Variants in CYP4F22 observed in about 807,000 individuals in gnomAD.
The protein encoded by CYP4F22 is ultra-long-chain fatty acid omega-hydroxylase.
A neutral mutation model predicts 60.4 loss-of-function variants in CYP4F22; 37 were observed. The ratio of observed to expected loss-of-function variants is 0.61; its 90% CI spans 0.47 to 0.81. CYP4F22 has a LOEUF of 0.81. Among genes scored for constraint, CYP4F22 ranks in the 30% least tolerant of loss-of-function variants. The pLI, the probability that CYP4F22 is intolerant of heterozygous loss-of-function variation, is 0.00. For synonymous variants in CYP4F22, 258 were observed against 280.5 expected (o/e 0.92, Z 0.80); for missense variants, 655 against 715.0 (o/e 0.92, Z 0.96).
At chr19:15,536,264 A>G (rs1971393288) in intron 4 of CYP4F22, among the ~76,000 whole-genome samples, 2 of 152,284 alleles carry the variant, frequency 1.3e-5, no homozygotes, top group South Asian at 4.1e-4. Context: ...GCTTGAATCC[A>G]GGAATTGGAG....
At chr19:15,543,874 A>AG (rs1971491278) in intron 8 of CYP4F22, 97 bp from the exon 9 acceptor site, 8 of 1,335,686 alleles carry the variant, frequency 6.0e-6, no homozygotes, top group Admixed American at 2.3e-5. Flanking sequence ...AAAAAAAAAA[A>AG]AAAGATGGGG....
At chr19:15,537,297 T>TCTCAAA (rs1568360165) in intron 4 of CYP4F22, 64 bp from the exon 5 acceptor site, 1 of 983,268 alleles carries the variant, frequency 1.0e-6, no homozygotes. Context: ...CAAGACTCCG[T>TCTCAAA]AAAAAAAAAC....
chr19:15,520,025 G>A (rs955447140), intron 1 of CYP4F22, among the ~76,000 whole-genome samples: 3 of 152,094 alleles, frequency 2.0e-5, no homozygotes, highest in Admixed American at 6.6e-5. Flanking sequence ...GTGTGTGCGC[G>A]TGCACAAGTA....
intron 3 of CYP4F22, among the ~76,000 whole-genome samples, chr19:15,528,976 C>T (rs1568357424): frequency 6.6e-6 from 1 of 152,028 alleles, no homozygotes; most frequent in Non-Finnish European, 1.5e-5. Context: ...CAGGGTCTTG[C>T]TCTGTCACCC....
chr19:15,518,688 GAA>G (rs112651893), intron 1 of CYP4F22, among the ~76,000 whole-genome samples: 9 of 83,592 alleles, frequency 1.1e-4, no homozygotes, highest in South Asian at 4.0e-4. Flanking sequence ...ACAAAACACA[GAA>G]AAAAAAAAAA....
At chr19:15,542,778 C>G (rs1971478733) in intron 8 of CYP4F22, among the ~76,000 whole-genome samples, 1 of 152,036 alleles carries the variant, frequency 6.6e-6, no homozygotes, top group Admixed American at 6.6e-5. Context: ...TTGTTCAGCT[C>G]CCACTTATAA....
At chr19:15,534,879 G>T (rs1025749798) in intron 4 of CYP4F22, among the ~76,000 whole-genome samples, 25 of 152,154 alleles carry the variant, frequency 1.6e-4, no homozygotes, top group African/African-American at 4.6e-4. Context: ...AAATTCCAGG[G>T]GAATTCAGGT....
intron 10 of CYP4F22, among the ~76,000 whole-genome samples, 175 bp downstream of exon 10, chr19:15,544,454 A>AATG (rs1484631043): frequency 2.6e-5 from 4 of 152,324 alleles, no homozygotes; most frequent in Admixed American, 1.3e-4. Context: ...CCCACCTCAT[A>AATG]ATGCAGAAGT....
chr19:15,551,351 A>G lies in CYP4F22; in HGVS notation c.1476A>G (p.Thr492=), dbSNP rs993612828. ...MAELRVVVAL[T]LLRFRLSVDR... ...AGTTGCGCGTGGTTGTGGCACTAAC[A>G]CTGCTACGTTTCCGCCTGAGCGTGG... The change falls in exon 14 of 14, where the codon ACA becomes ACG. Residue 492 remains threonine (T), a synonymous_variant. Coordinates refer to ENST00000269703, the MANE Select transcript of CYP4F22 (RefSeq NM_173483.4). 3 of 1,613,526 alleles carry G rather than the reference A, an allele frequency of 1.9e-6. No individual in the cohort carries two copies. The highest frequency in any genetic ancestry group is 2.5e-6 in the Non-Finnish European group (3 of 1,179,736).
At chr19:15,520,568 C>T (rs1255268927) in intron 1 of CYP4F22, among the ~76,000 whole-genome samples, 1 of 151,628 alleles carries the variant, frequency 6.6e-6, no homozygotes, top group Non-Finnish European at 1.5e-5. Flanking sequence ...CACACAGAGC[C>T]TCAGTGCACA....
intron 1 of CYP4F22, among the ~76,000 whole-genome samples, chr19:15,513,300 T>A (rs931711133): frequency 4.8e-5 from 7 of 145,952 alleles, no homozygotes; most frequent in Non-Finnish European, 1.0e-4. Context: ...CTCAGCCTCC[T>A]GAGTAGCTGG....
chr19:15,532,023 T>C (rs1177393220), intron 4 of CYP4F22, among the ~76,000 whole-genome samples: 2 of 152,004 alleles, frequency 1.3e-5, no homozygotes, highest in Non-Finnish European at 2.9e-5. Context: ...GGAGGATTGC[T>C]TGAGTCCAAG....
At chr19:15,537,302 A>G in intron 4 of CYP4F22, 59 bp from the exon 5 acceptor site, 1 of 1,609,770 alleles carries the variant, frequency 6.2e-7, no homozygotes, top group Non-Finnish European at 8.5e-7. Flanking sequence ...CTCCGTAAAA[A>G]AAAACAAAAA....
chr19:15,524,914 T>C (rs901732798), intron 2 of CYP4F22, among the ~76,000 whole-genome samples: 2 of 152,132 alleles, frequency 1.3e-5, no homozygotes, highest in Non-Finnish European at 2.9e-5. Context: ...TGGAGTTTAA[T>C]CTCATTGGGG....
chr19:15,538,011 T>C lies in CYP4F22; in HGVS notation c.671+18T>C, dbSNP rs776879263. ...TGCCAAGAGTGAGTGTGACCCTTCT[T>C]GGGAAGATGGAGCCAGCTGCTCTAG... On this transcript the variant is annotated intron_variant, in intron 7 of 13. Transcript: ENST00000269703. 3.1e-6 allele frequency: 5 copies of C among 1,613,900 alleles called. No homozygotes were observed. In the East Asian group the frequency reaches 1.1e-4, roughly 36 times the overall value.
In CYP4F22 at chr19:15,537,845, C is replaced by A. The variant is rs759543514; in HGVS notation, c.550-27C>A. ...TGACTCCCTCTCTGTGGTTTCCATG[C>A]ACAGTCACCATGTATCTCTCTTCCA... On this transcript the variant is annotated intron_variant, in intron 6 of 13. Transcript: ENST00000269703. 2.0e-5 allele frequency: 32 copies of A among 1,612,878 alleles called. No individual in the cohort carries two copies. In the East Asian group the frequency reaches 6.7e-4, roughly 34 times the overall value.
intron 7 of CYP4F22, 95 bp downstream of exon 7, chr19:15,538,088 G>C (rs1329787558): frequency 6.4e-7 from 1 of 1,552,154 alleles, no homozygotes; most frequent in Non-Finnish European, 8.8e-7. Flanking sequence ...GACAACTCTG[G>C]CCTATGGGAG....
In CYP4F22 at chr19:15,537,984, A is replaced by G. The variant is rs1971418636; in HGVS notation, c.662A>G (p.Asn221Ser). ...LQKCVFSYNS[N>S]CQEKMSDYIS... Reference sequence around the variant, plus strand: ...AAATGTGTCTTCAGCTACAACAGCAACTGCCAAGAGTGAGTGTGACCCTTC... The same window carrying G: ...AAATGTGTCTTCAGCTACAACAGCAGCTGCCAAGAGTGAGTGTGACCCTTC... The change falls in exon 7 of 14, where the codon AAC becomes AGC. Residue 221 changes from asparagine (N) to serine (S), a missense_variant. Physicochemically the swap from Asn to Ser is conservative, Grantham distance 46 (BLOSUM62 1). Around this residue, in one of 3 missense-constraint regions of CYP4F22, gnomAD observed 430 missense variants for 457.1 expected, o/e 0.94. Transcript: ENST00000269703. 1 of 1,614,070 alleles carries G rather than the reference A, an allele frequency of 6.2e-7. No homozygotes were observed. The highest frequency in any genetic ancestry group is 1.1e-5 in the South Asian group (1 of 91,074).
intron 1 of CYP4F22, among the ~76,000 whole-genome samples, chr19:15,512,538 T>C (rs1424732104): frequency 6.6e-6 from 1 of 152,066 alleles, no homozygotes; most frequent in Admixed American, 6.6e-5. Context: ...ATTCCTGACC[T>C]CAAGTGATCC....
Sources: gnomAD v4.1 joint callset for allele counts (sites outside exome capture counted in the v4.1 genomes callset) on GRCh38, gnomAD v4.1.1 for gene constraint, gnomAD v4.1.1 regional missense constraint, MANE v1.5 for transcripts, NCBI Gene and HGNC (gene_info 2026-07-23, HGNC 2026-07-21) for gene names.